KCTD1: variants seen among roughly 807,000 people sequenced by gnomAD.
The protein encoded by KCTD1 is potassium channel tetramerization domain containing 1, also known as BTB/POZ domain-containing protein KCTD1.
Under a neutral mutation model 66.0 loss-of-function variants are expected in KCTD1, and 24 were observed. The ratio of observed to expected loss-of-function variants is 0.36; its 90% CI spans 0.26 to 0.51. The LOEUF is 0.51. KCTD1 is among the 20% of genes least tolerant of loss of function. KCTD1 has a pLI of 0.95. For missense variants in KCTD1, 943 were observed against 1,205.2 expected, an observed-to-expected ratio of 0.78 and a Z score of 3.22; for synonymous variants, 511 against 517.2, an observed-to-expected ratio of 0.99 and a Z score of 0.16.
At chr18:26,612,815 C>T (rs1387214372) in intron 1 of KCTD1, among the ~76,000 whole-genome samples, 1 of 152,202 alleles carries the variant, frequency 6.6e-6, no homozygotes, top group Non-Finnish European at 1.5e-5. Flanking sequence ...GCATAGGGCT[C>T]AGCACATGTG....
chr18:26,485,773 T>C (rs1981885971), intron 2 of KCTD1, among the ~76,000 whole-genome samples: 1 of 152,062 alleles, frequency 6.6e-6, no homozygotes, highest in South Asian at 2.1e-4. Context: ...TATTTGGAGG[T>C]ATTTCTGATA....
At chr18:26,514,341 C>G (rs916480432) in intron 1 of KCTD1, among the ~76,000 whole-genome samples, 1 of 151,960 alleles carries the variant, frequency 6.6e-6, no homozygotes, top group East Asian at 1.9e-4. Context: ...CTGCTTGCGG[C>G]CAGGAGTTCG....
At position 26,620,364 on chromosome 18, in the gene KCTD1, A is replaced by C. The variant is rs1289103143; in HGVS notation, c.-16+8783T>G. 9.5e-5 allele frequency among the ~76,000 whole-genome samples: 12 copies of C among 125,748 alleles called. 2 individuals are homozygous for C. Among genetic ancestry groups the C allele is most frequent in the Admixed American group, 7.2e-4 (9 of 12,470 alleles). The allele number at this position is 125,748 out of a possible 152,430, so 82.5% of individuals were successfully genotyped here. A position where few individuals can be genotyped will look rare whatever the true frequency, so the allele number is the denominator to read the frequency against. The stretch of plus-strand genomic sequence containing the variant: ...GGTAAATCTTAAAAAAAAAAAAAAA[A>C]AAAAAAAAAAAAAAAAAAAAACTAT... On this transcript the variant is annotated intron_variant, in intron 1 of 4. Coordinates refer to the KCTD1 transcript ENST00000317932.
At position 26,532,261 on chromosome 18, in the gene KCTD1, C is replaced by CTTTTTTTTTTTTT. The variant is rs533359603; in HGVS notation, c.1809+14454_1809+14466dup. On this transcript the variant is annotated intron_variant, in intron 1 of 4. Coordinates refer to ENST00000580059, the MANE Select transcript of KCTD1 (RefSeq NM_001142730.3). ...CTTTTTCTTTTTCTTTTCTTTCCTT[C>CTTTTTTTTTTTTT]TTTTTTTTTTTTTTTTTTTTTTTTT... Among the ~76,000 whole-genome samples the CTTTTTTTTTTTTT allele has an allele frequency of 1.9e-3, 55 of 29,548 alleles. 5 individuals carry two copies. The highest frequency in any genetic ancestry group is 3.3e-3 in the African/African-American group (51 of 15,382). The allele number at this position is 29,548 out of a possible 152,430, so 19.4% of individuals were successfully genotyped here.
chr18:26,469,192 C>T (rs1173765107), intron 3 of KCTD1, among the ~76,000 whole-genome samples: 2 of 150,088 alleles, frequency 1.3e-5, no homozygotes, highest in Non-Finnish European at 3.0e-5. Context: ...TTCCCTCAAG[C>T]GTGGGTTACA....
intron 4 of KCTD1, chr18:26,456,299 C>G (rs1980084390): frequency 6.3e-6 from 1 of 159,696 alleles, no homozygotes; most frequent in Non-Finnish European, 1.4e-5. Context: ...CATTTCAAAG[C>G]TCATTTATCA....
At chr18:26,460,313 A>G (rs1008728068) in intron 3 of KCTD1, among the ~76,000 whole-genome samples, 1 of 152,162 alleles carries the variant, frequency 6.6e-6, no homozygotes, top group African/African-American at 2.4e-5. Context: ...TGGGTATTTC[A>G]AGTTTGATTG....
chr18:26,548,591 A>C (rs1361385723), upstream of KCTD1: 7 of 1,196,206 alleles, frequency 5.9e-6, no homozygotes, highest in Non-Finnish European at 6.2e-6. Flanking sequence ...ATTGGACCGC[A>C]GCGCTGAGAG....
chr18:26,490,609 G>A (rs1326599989), intron 2 of KCTD1, among the ~76,000 whole-genome samples: 1 of 152,170 alleles, frequency 6.6e-6, no homozygotes. Flanking sequence ...CCCTGGGGTG[G>A]CTGAGTTGCT....
At chr18:26,620,359 A>C (rs1240246408) in intron 1 of KCTD1, among the ~76,000 whole-genome samples, 1 of 124,290 alleles carries the variant, frequency 8.0e-6, no homozygotes, top group East Asian at 2.4e-4. Context: ...AAAAAAAAAA[A>C]AAAAAAAAAA....
Position 26,529,701 on chromosome 18 carries a change from A to G in KCTD1, c.1809+17027T>C, listed in dbSNP as rs112861223. ...TTCTTTACATTTAAAATAAAATGTA[A>G]CCCAAGGAGGTTGTGCCTAACAGAA... On this transcript the variant is annotated intron_variant, in intron 1 of 4. Coordinates refer to ENST00000580059, the MANE Select transcript of KCTD1 (RefSeq NM_001142730.3). Among the ~76,000 whole-genome samples, 7 of 152,204 alleles carry G rather than the reference A, an allele frequency of 4.6e-5. No homozygotes were observed. In the East Asian group the frequency reaches 1.3e-3, roughly 29 times the overall value.
chr18:26,593,870 G>A (rs982828220), intron 1 of KCTD1, among the ~76,000 whole-genome samples: 6 of 135,414 alleles, frequency 4.4e-5, no homozygotes, highest in African/African-American at 1.7e-4. Context: ...AGAACAAGGA[G>A]GAAGAGGAAG....
At chr18:26,473,671 C>A (rs1981191701) in intron 3 of KCTD1, among the ~76,000 whole-genome samples, 1 of 152,070 alleles carries the variant, frequency 6.6e-6, no homozygotes, top group Non-Finnish European at 1.5e-5. Context: ...GCGGCTTTTG[C>A]TTAGGAGCCA....
rs147965863 is a variant in KCTD1, at chr18:26,651,891, C to T, written c.9+5469G>A. Among the ~76,000 whole-genome samples the T allele has an allele frequency of 3.6e-3, 541 of 151,722 alleles. 3 individuals are homozygous for T. The highest frequency in any genetic ancestry group is 6.9e-3 in the Middle Eastern group (2 of 290). ...CAAGAGAGAAGTGTCAAGTGGACACCGAGGTTTCGGGCATGTTACCTAGGG... is the reference window on the plus strand; with the variant it reads ...CAAGAGAGAAGTGTCAAGTGGACACTGAGGTTTCGGGCATGTTACCTAGGG... On this transcript the variant is annotated intron_variant, in intron 1 of 4. Coordinates refer to the KCTD1 transcript ENST00000580191.
At chr18:26,631,413 G>A (rs1389717118), upstream of KCTD1, among the ~76,000 whole-genome samples, 1 of 152,154 alleles carries the variant, frequency 6.6e-6, no homozygotes, top group Non-Finnish European at 1.5e-5. Context: ...GCATGTTACC[G>A]CACTGAATAC....
intron 1 of KCTD1, among the ~76,000 whole-genome samples, chr18:26,602,687 T>C (rs1167950594): frequency 6.6e-6 from 1 of 152,220 alleles, no homozygotes; most frequent in Non-Finnish European, 1.5e-5. Context: ...AGCTACATGA[T>C]AGATCTCATA....
chr18:26,456,659 G>A (rs1980103192), intron 4 of KCTD1: 1 of 152,094 alleles, frequency 6.6e-6, no homozygotes, highest in African/African-American at 2.4e-5. Flanking sequence ...GTAAGCCATA[G>A]AATCTGTTCC....
At chr18:26,455,953 C>T (rs1341782840) in intron 4 of KCTD1, 52 bp from the exon 5 acceptor site, 7 of 1,560,590 alleles carry the variant, frequency 4.5e-6, no homozygotes, top group Non-Finnish European at 6.1e-6. Context: ...AGTCCTATGG[C>T]TACATAAACA....
intron 1 of KCTD1, among the ~76,000 whole-genome samples, chr18:26,533,857 T>C (rs1984565750): frequency 6.7e-6 from 1 of 148,208 alleles, no homozygotes; most frequent in African/African-American, 2.5e-5. Context: ...AAGCAAGCCA[T>C]GGAATTTGCG....
Sources: gnomAD v4.1 joint callset for allele counts (sites outside exome capture counted in the v4.1 genomes callset) on GRCh38, gnomAD v4.1.1 for gene constraint, MANE v1.5 for transcripts, NCBI Gene and HGNC (gene_info 2026-07-23, HGNC 2026-07-21) for gene names.